COMMD1: variants seen among roughly 807,000 people sequenced by gnomAD.
COMMD1 encodes copper metabolism domain containing 1.
A neutral mutation model predicts 17.2 loss-of-function variants in COMMD1; 10 were observed. The observed-to-expected ratio is 0.58, with a 90% CI of 0.36 to 0.99. The LOEUF (loss-of-function observed/expected upper bound fraction) is 0.99. Among genes scored for constraint, COMMD1 ranks in the 50% least tolerant of loss-of-function variants. The probability of loss-of-function intolerance (pLI) is 0.01; values close to 1 mark genes in which losing one functional copy is unlikely to be tolerated. For synonymous variants in COMMD1, 97 were observed against 91.6 expected (o/e 1.06, Z -0.34); for missense variants, 270 against 231.8 (o/e 1.17, Z -1.07).
Position 61,889,229 on chromosome 2 carries a change from CAG to C in COMMD1, n.119+390_119+391del, listed in dbSNP as rs1268846545. ...TTTTTTTTTTTTTTTTTTTTTTTGA[CAG>C]AGTCTCGCTCTGTCGTCCAGGCGGG... On this transcript the variant is annotated intron_variant and non_coding_transcript_variant, in intron 1 of 2. Coordinates refer to the COMMD1 transcript ENST00000472729. 2.6e-3 allele frequency among the ~76,000 whole-genome samples: 12 copies of C among 4,586 alleles called. No homozygotes were observed. In the South Asian group the frequency reaches 0.04, roughly 15 times the overall value. 3.0% of individuals were successfully genotyped at this position (4,586 alleles called of 152,430 possible).
chr2:61,940,246 A>G (rs945760196), intron 1 of COMMD1, among the ~76,000 whole-genome samples: 3 of 152,158 alleles, frequency 2.0e-5, no homozygotes, highest in Non-Finnish European at 4.4e-5. Context: ...TAGTAAGTTC[A>G]GTTAATATTT....
intron 1 of COMMD1, among the ~76,000 whole-genome samples, chr2:61,959,268 T>C (rs1249844880): frequency 6.6e-6 from 1 of 152,198 alleles, no homozygotes; most frequent in South Asian, 2.1e-4. Context: ...TAGCCTTTTT[T>C]CAGTAACTTG....
chr2:61,896,171 G>A (rs1449043217), intron 1 of COMMD1, among the ~76,000 whole-genome samples: 1 of 152,312 alleles, frequency 6.6e-6, no homozygotes, highest in Admixed American at 6.5e-5. Context: ...GCTATGGTTT[G>A]AATATCTTTG....
intron 1 of COMMD1, among the ~76,000 whole-genome samples, chr2:61,908,290 C>T (rs1669822181): frequency 6.7e-6 from 1 of 149,954 alleles, no homozygotes; most frequent in East Asian, 2.0e-4. Context: ...GCAGTGGCGC[C>T]ATCTCGGCTC....
rs376610780 is a variant in COMMD1, at chr2:62,055,183, G to A, written c.462+54201G>A. 4.6e-5 allele frequency among the ~76,000 whole-genome samples: 7 copies of A among 152,242 alleles called. No individual in the cohort carries two copies. The East Asian group carries it at 7.7e-4, about 17-fold the overall frequency. On this transcript the variant is annotated intron_variant, in intron 2 of 2. Coordinates refer to ENST00000311832, the MANE Select transcript of COMMD1 (RefSeq NM_152516.4). ...TGCATCTGGTGGGAAGCTTTAAGTC[G>A]GGCTTTATTTTAGCCTGCGCATGGC...
Position 62,000,766 on chromosome 2 carries a change from G to A in COMMD1, c.246G>A (p.Lys82=), listed in dbSNP as rs201915620. 2.2e-5 allele frequency: 36 copies of A among 1,614,140 alleles called. No individual in the cohort carries two copies. In the Admixed American group the frequency reaches 5.8e-4, roughly 26 times the overall value. ...CATTCTTGACTGCTCAAACCAAAAAGCAAGGTGGGATCACATCTGACCAAG... is the reference window on the plus strand; with the variant it reads ...CATTCTTGACTGCTCAAACCAAAAAACAAGGTGGGATCACATCTGACCAAG... ...LEAFLTAQTK[K]QGGITSDQAA... Residue 82 remains lysine (K), a synonymous_variant, in exon 2 of 3, where the codon AAG becomes AAA. Transcript: ENST00000311832.
intron 2 of COMMD1, among the ~76,000 whole-genome samples, chr2:62,016,357 A>G (rs1285886663): frequency 6.6e-6 from 1 of 151,394 alleles, no homozygotes; most frequent in Non-Finnish European, 1.5e-5. Flanking sequence ...TACAGGTGCA[A>G]GCTACCATGC....
intron 2 of COMMD1, among the ~76,000 whole-genome samples, chr2:62,039,858 T>A (rs1038663102): frequency 6.6e-6 from 1 of 152,242 alleles, no homozygotes; most frequent in Non-Finnish European, 1.5e-5. Flanking sequence ...TGGTCAAGTA[T>A]TTTCTGGCAT....
intron 2 of COMMD1, among the ~76,000 whole-genome samples, chr2:62,118,620 A>T (rs1672663674): frequency 6.6e-6 from 1 of 152,282 alleles, no homozygotes; most frequent in African/African-American, 2.4e-5. Flanking sequence ...CAGGCAAGAC[A>T]CTTAATAGGA....
At chr2:61,897,520 G>A (rs1013819427) in intron 1 of COMMD1, among the ~76,000 whole-genome samples, 1 of 152,126 alleles carries the variant, frequency 6.6e-6, no homozygotes, top group Non-Finnish European at 1.5e-5. Flanking sequence ...GGCCGAGGTG[G>A]GTGGATCACC....
At chr2:62,086,355 A>G (rs964199363) in intron 2 of COMMD1, among the ~76,000 whole-genome samples, 4 of 151,700 alleles carry the variant, frequency 2.6e-5, no homozygotes, top group African/African-American at 9.7e-5. Flanking sequence ...TAAAAATACA[A>G]AAAAAATTAG....
chr2:62,085,850 G>A (rs1371628895), intron 2 of COMMD1, among the ~76,000 whole-genome samples: 2 of 151,946 alleles, frequency 1.3e-5, no homozygotes, highest in African/African-American at 2.4e-5. Flanking sequence ...GCATGGTGGC[G>A]GGCGCCTGTC....
rs201282612 is a variant in COMMD1, at chr2:61,977,270, G to T, written c.181-23431G>T. 5.9e-4 allele frequency among the ~76,000 whole-genome samples: 60 copies of T among 102,496 alleles called. No individual in the cohort carries two copies. In the East Asian group the frequency reaches 6.7e-3, roughly 12 times the overall value. The allele number at this position is 102,496 out of a possible 152,430, so 67.2% of individuals were successfully genotyped here. ...TTTTTTTTTTTTTTTTTTTGAGACA[G>T]TTTCACTCTTGTTGCCCAGGCTGGA... On this transcript the variant is annotated intron_variant, in intron 1 of 2. Transcript: ENST00000311832.
chr2:62,053,249 G>A (rs756729119), intron 2 of COMMD1, among the ~76,000 whole-genome samples: 1 of 151,998 alleles, frequency 6.6e-6, no homozygotes, highest in African/African-American at 2.4e-5. Context: ...TAAGAAATTG[G>A]GGTCTCTGGA....
At chr2:61,950,573 A>G (rs1671025065) in intron 1 of COMMD1, among the ~76,000 whole-genome samples, 1 of 152,212 alleles carries the variant, frequency 6.6e-6, no homozygotes, top group South Asian at 2.1e-4. Flanking sequence ...AAGGAATGCT[A>G]AGGTCACTTT....
chr2:62,007,492 AT>A (rs1236208264), intron 2 of COMMD1, among the ~76,000 whole-genome samples: 2 of 152,242 alleles, frequency 1.3e-5, no homozygotes, highest in East Asian at 3.8e-4. Context: ...GCATAATGAC[AT>A]TTCAGTCACT....
chr2:62,107,304 C>T (rs1672345302), intron 2 of COMMD1, among the ~76,000 whole-genome samples: 1 of 152,168 alleles, frequency 6.6e-6, no homozygotes, highest in African/African-American at 2.4e-5. Context: ...CTCTATTCTC[C>T]TGGCCATTTG....
intron 1 of COMMD1, among the ~76,000 whole-genome samples, chr2:61,890,065 T>C (rs1020157503): frequency 5.9e-5 from 9 of 152,160 alleles, no homozygotes; most frequent in African/African-American, 2.2e-4. Flanking sequence ...ACCACTATAT[T>C]TCAGTAGGGA....
At chr2:61,931,394 G>C (rs1022759125) in intron 1 of COMMD1, among the ~76,000 whole-genome samples, 2 of 152,120 alleles carry the variant, frequency 1.3e-5, no homozygotes, top group Admixed American at 1.3e-4. Context: ...TAGACAAGTT[G>C]AATGGGTCTG....
Sources: gnomAD v4.1 joint callset for allele counts (sites outside exome capture counted in the v4.1 genomes callset) on GRCh38, gnomAD v4.1.1 for gene constraint, MANE v1.5 for transcripts, NCBI Gene and HGNC (gene_info 2026-07-23, HGNC 2026-07-21) for gene names.